The following VPS13B variants were observed in gnomAD, a reference collection of about 807,000 sequenced individuals.
VPS13B encodes intermembrane lipid transfer protein VPS13B.
In VPS13B, 285 loss-of-function variants were observed where a neutral mutation model predicts 426.4. That is an observed-to-expected ratio of 0.67 (90% CI 0.61 to 0.74). The LOEUF (loss-of-function observed/expected upper bound fraction) is 0.74. Ranked by LOEUF, VPS13B falls within the 30% of genes least tolerant of loss-of-function variation. The probability of loss-of-function intolerance (pLI) is 0.00; values close to 1 mark genes in which losing one functional copy is unlikely to be tolerated. For missense variants in VPS13B, 4,537 were observed against 4,782.6 expected (o/e 0.95, Z 1.51); for synonymous variants, 1,676 against 1,676.4 (o/e 1.00, Z 0.01).
rs1821244952 is a variant in VPS13B, at chr8:99,501,773, T to A, written c.3957T>A (p.Ser1319Arg). ...CTACAAGTAATATTGGAGGAACCAG[T>A]GGACGTGTTAGTTTATGGATGCAGT... is the stretch of plus-strand genomic sequence containing the variant. Reference protein sequence around the residue: ...EQTTSNIGGTSGRVSLWMQWV... With the variant: ...EQTTSNIGGTRGRVSLWMQWV... Residue 1319 changes from serine (S) to arginine (R), a missense_variant, in exon 26 of 62, where the codon AGT becomes AGA. Coordinates refer to ENST00000357162, the MANE Select transcript of VPS13B (RefSeq NM_152564.5). 6.2e-7 allele frequency: 1 copy of A among 1,614,088 alleles called. No individual in the cohort carries two copies. Among genetic ancestry groups the A allele is most frequent in the Non-Finnish European group, 8.5e-7 (1 of 1,180,016 alleles).
At chr8:99,250,048 A>G (rs899787871) in intron 17 of VPS13B, among the ~76,000 whole-genome samples, 1 of 151,974 alleles carries the variant, frequency 6.6e-6, no homozygotes, top group Non-Finnish European at 1.5e-5. Flanking sequence ...CTGTTTTTTT[A>G]TTTTAGCTGT....
intron 35 of VPS13B, among the ~76,000 whole-genome samples, chr8:99,689,428 C>T (rs1482781381): frequency 6.6e-6 from 1 of 152,080 alleles, no homozygotes; most frequent in Non-Finnish European, 1.5e-5. Context: ...GCAAAATGCA[C>T]AGGATATTCC....
chr8:99,258,083 A>G (rs1588180976), intron 17 of VPS13B, among the ~76,000 whole-genome samples: 1 of 151,624 alleles, frequency 6.6e-6, no homozygotes, highest in African/African-American at 2.4e-5. Context: ...ATGCTAAATT[A>G]TCATCATTTA....
In VPS13B at chr8:99,386,521, A is replaced by G. The variant is rs541341033; in HGVS notation, c.2934+2204A>G. On this transcript the variant is annotated intron_variant, in intron 20 of 61. Transcript: ENST00000357162. Reference sequence around the variant, plus strand: ...ATTACTGTACTGAATACCTTAGGCAATTGTAACACAAAGGTAAGTATTTGT... The same window carrying G: ...ATTACTGTACTGAATACCTTAGGCAGTTGTAACACAAAGGTAAGTATTTGT... 2.0e-5 allele frequency among the ~76,000 whole-genome samples: 3 copies of G among 152,314 alleles called. No individual in the cohort carries two copies. In the South Asian group the frequency reaches 6.2e-4, roughly 32 times the overall value.
At chr8:99,659,007 AT>A (rs1195524889) in intron 34 of VPS13B, among the ~76,000 whole-genome samples, 1 of 151,322 alleles carries the variant, frequency 6.6e-6, no homozygotes, top group African/African-American at 2.4e-5. Flanking sequence ...ATTTTTTTGT[AT>A]TTTTTTTGTA....
At chr8:99,423,734 T>C (rs1816514573) in intron 21 of VPS13B, among the ~76,000 whole-genome samples, 1 of 152,224 alleles carries the variant, frequency 6.6e-6, no homozygotes, top group African/African-American at 2.4e-5. Flanking sequence ...GTATAACAGA[T>C]GAAAAGTATG....
At chr8:99,246,487 A>G (rs1000094145) in intron 17 of VPS13B, among the ~76,000 whole-genome samples, 11 of 152,268 alleles carry the variant, frequency 7.2e-5, no homozygotes, top group African/African-American at 2.2e-4. Flanking sequence ...CTACAACACC[A>G]GAGTTAAATA....
intron 2 of VPS13B, among the ~76,000 whole-genome samples, chr8:99,017,370 G>T (rs939899707): frequency 2.6e-4 from 39 of 152,210 alleles, no homozygotes; most frequent in African/African-American, 9.2e-4. Flanking sequence ...ACTCCATATG[G>T]TTACTGTAGC....
intron 23 of VPS13B, among the ~76,000 whole-genome samples, chr8:99,463,722 C>T (rs999158248): frequency 5.3e-5 from 8 of 152,024 alleles, no homozygotes; most frequent in Non-Finnish European, 7.4e-5. Flanking sequence ...GATGGAGTTT[C>T]GCTCTTGTTG....
chr8:99,310,090 G>A (rs942068680), intron 19 of VPS13B, among the ~76,000 whole-genome samples: 1 of 152,166 alleles, frequency 6.6e-6, no homozygotes, highest in African/African-American at 2.4e-5. Flanking sequence ...GGGCTGAGAC[G>A]ATGGGGTTTT....
At chr8:99,258,942 C>T (rs1227684504) in intron 17 of VPS13B, among the ~76,000 whole-genome samples, 1 of 151,708 alleles carries the variant, frequency 6.6e-6, no homozygotes, top group African/African-American at 2.4e-5. Flanking sequence ...CAGTAAACTC[C>T]CTTATTAATT....
In VPS13B at chr8:99,179,700, G is replaced by A. The variant is rs559461961; in HGVS notation, c.2333+9537G>A. Reference sequence around the variant, plus strand: ...GATTATTTAATAGCCTTTCCCACTCGTTTTATTTTAAGCTCCATAAGAAAC... The same window carrying A: ...GATTATTTAATAGCCTTTCCCACTCATTTTATTTTAAGCTCCATAAGAAAC... On this transcript the variant is annotated intron_variant, in intron 16 of 61. Coordinates refer to ENST00000357162, the MANE Select transcript of VPS13B (RefSeq NM_152564.5). Among the ~76,000 whole-genome samples the A allele has an allele frequency of 7.9e-5, 12 of 152,182 alleles. No individual in the cohort carries two copies. The South Asian group carries it at 1.0e-3, about 13-fold the overall frequency.
At chr8:99,530,064 A>G (rs903694236) in intron 30 of VPS13B, among the ~76,000 whole-genome samples, 1 of 152,142 alleles carries the variant, frequency 6.6e-6, no homozygotes. Context: ...TTAGCCTTTC[A>G]GGGTTTTTGT....
chr8:99,021,408 G>A (rs1841879118), intron 2 of VPS13B, among the ~76,000 whole-genome samples: 1 of 152,114 alleles, frequency 6.6e-6, no homozygotes, highest in South Asian at 2.1e-4. Flanking sequence ...GGATCACGAT[G>A]TCAGGAGTTC....
At chr8:99,826,798 A>C (rs1460914353) in intron 51 of VPS13B, among the ~76,000 whole-genome samples, 1 of 152,120 alleles carries the variant, frequency 6.6e-6, no homozygotes, top group Admixed American at 6.5e-5. Flanking sequence ...GAATTTTATC[A>C]AAGGCCTTTT....
chr8:99,276,302 C>A (rs528775154), intron 19 of VPS13B, among the ~76,000 whole-genome samples: 1 of 152,252 alleles, frequency 6.6e-6, no homozygotes, highest in Admixed American at 6.5e-5. Flanking sequence ...TGCTGTCTGT[C>A]AGCATGCTTC....
At chr8:99,699,455 G>A (rs1832179584) in intron 35 of VPS13B, 70 bp from the exon 36 acceptor site, 3 of 1,547,940 alleles carry the variant, frequency 1.9e-6, no homozygotes, top group East Asian at 2.3e-5. Flanking sequence ...GTAGGAGCTT[G>A]TCAGAGAAGT....
chr8:99,713,044 A>T (rs1832768232), intron 36 of VPS13B, among the ~76,000 whole-genome samples: 2 of 152,308 alleles, frequency 1.3e-5, no homozygotes, highest in African/African-American at 4.8e-5. Flanking sequence ...AAAGCCTCAT[A>T]ATTTTAGTAC....
chr8:99,691,627 G>A (rs1445797035), intron 35 of VPS13B, among the ~76,000 whole-genome samples: 3 of 150,732 alleles, frequency 2.0e-5, no homozygotes, highest in Non-Finnish European at 4.4e-5. Context: ...GGAAGAAACT[G>A]CATCAACTAA....
Sources: allele counts gnomAD v4.1 joint callset (sites outside exome capture counted in the v4.1 genomes callset), GRCh38; gene constraint gnomAD v4.1.1; transcripts MANE v1.5; gene names NCBI Gene and HGNC (gene_info 2026-07-23, HGNC 2026-07-21).